The following GSAP variants were observed in gnomAD, a reference collection of about 807,000 sequenced individuals.
GSAP encodes gamma-secretase-activating protein.
Under a neutral mutation model 131.7 loss-of-function variants are expected in GSAP, and 118 were observed. The ratio of observed to expected loss-of-function variants is 0.90; its 90% CI spans 0.77 to 1.04. The LOEUF (loss-of-function observed/expected upper bound fraction) is 1.04. GSAP is among the 50% of genes least tolerant of loss of function. The probability of loss-of-function intolerance (pLI) is 0.00; values close to 1 mark genes in which losing one functional copy is unlikely to be tolerated. For missense variants in GSAP, 1,019 were observed against 1,013.2 expected, an observed-to-expected ratio of 1.01 and a Z score of -0.08; for synonymous variants, 381 against 363.4, an observed-to-expected ratio of 1.05 and a Z score of -0.55.
At chr7:77,414,669 C>T (rs1421240812) in intron 1 of GSAP, among the ~76,000 whole-genome samples, 1 of 152,106 alleles carries the variant, frequency 6.6e-6, no homozygotes, top group Non-Finnish European at 1.5e-5. Context: ...ACACACATTA[C>T]GGAAACATAA....
chr7:77,375,362 G>C (rs1796691228), intron 10 of GSAP, among the ~76,000 whole-genome samples: 1 of 152,110 alleles, frequency 6.6e-6, no homozygotes, highest in Non-Finnish European at 1.5e-5. Flanking sequence ...CTTTGTCTTA[G>C]ATTTGAATAT....
At chr7:77,381,257 T>C in intron 8 of GSAP, 48 bp downstream of exon 8, 1 of 1,015,298 alleles carries the variant, frequency 9.8e-7, no homozygotes, top group South Asian at 1.5e-5. Context: ...TGTACTTCTT[T>C]GTGGGGAAAA....
rs1052559469 is a variant in GSAP at position 77,381,368 on chromosome 7, A to G, written c.527-14T>C. 8.5e-7 allele frequency: 1 copy of G among 1,172,550 alleles called. No homozygotes were observed. The highest frequency in any genetic ancestry group is 6.9e-5 in the East Asian group (1 of 14,466). 72.6% of individuals were successfully genotyped at this position (1,172,550 alleles called of 1,614,324 possible). ...ATTGTTCAATATCTTTAAAAGAAAA[A>G]CAAAGAAAGATAATTTAACCTTAAG... On this transcript the variant is annotated splice_polypyrimidine_tract_variant and intron_variant, in intron 7 of 30. Transcript: ENST00000257626.
intron 12 of GSAP, among the ~76,000 whole-genome samples, chr7:77,366,256 A>G (rs1373399311): frequency 6.6e-6 from 1 of 151,762 alleles, no homozygotes; most frequent in African/African-American, 2.4e-5. Flanking sequence ...CCATTTGTCA[A>G]TTTTTGCTTC....
intron 3 of GSAP, among the ~76,000 whole-genome samples, chr7:77,402,402 GA>G (rs56837016): frequency 6.2e-4 from 75 of 121,370 alleles, no homozygotes; most frequent in African/African-American, 1.5e-3. Context: ...AAAGAAAAAA[GA>G]AAAAAAAAAT....
chr7:77,324,528 A>C (rs1329636836), intron 23 of GSAP, among the ~76,000 whole-genome samples: 7 of 152,220 alleles, frequency 4.6e-5, no homozygotes, highest in Admixed American at 4.6e-4. Context: ...CTATTTTAGC[A>C]GGTTCACATT....
At chr7:77,320,899 G>A in intron 25 of GSAP, 80 bp from the exon 26 acceptor site, 1 of 841,528 alleles carries the variant, frequency 1.2e-6, no homozygotes, top group South Asian at 1.4e-5. Flanking sequence ...GTGGCTTTGA[G>A]TACTACACAA....
chr7:77,396,556 A>G (rs1194831436), intron 5 of GSAP, among the ~76,000 whole-genome samples: 1 of 152,162 alleles, frequency 6.6e-6, no homozygotes, highest in Non-Finnish European at 1.5e-5. Flanking sequence ...TAGCTACAAA[A>G]CTATAAAGTG....
chr7:77,414,926 C>T (rs1424467572), intron 1 of GSAP, among the ~76,000 whole-genome samples: 5 of 131,718 alleles, frequency 3.8e-5, no homozygotes, highest in Admixed American at 1.8e-4. Flanking sequence ...GGCGAGATCT[C>T]GGCTCACTGC....
intron 19 of GSAP, among the ~76,000 whole-genome samples, chr7:77,343,737 C>G (rs1042366177): frequency 2.0e-5 from 3 of 152,214 alleles, no homozygotes; most frequent in African/African-American, 7.2e-5. Context: ...CCACACAAGA[C>G]AAATGGTTCT....
intron 28 of GSAP, among the ~76,000 whole-genome samples, chr7:77,312,917 TCTCTGA>T (rs1399832449): frequency 2.0e-5 from 3 of 152,358 alleles, no homozygotes; most frequent in African/African-American, 2.4e-5. Context: ...TTTCATAGTA[TCTCTGA>T]CTCTAAGTGT....
At chr7:77,315,054 T>G (rs906651330) in intron 26 of GSAP, 1 of 152,716 alleles carries the variant, frequency 6.5e-6, no homozygotes, top group Non-Finnish European at 1.5e-5. Context: ...CAAGCCTGTC[T>G]CACGGGTAGA....
chr7:77,374,486 G>A (rs977285485), intron 11 of GSAP, among the ~76,000 whole-genome samples: 2 of 151,884 alleles, frequency 1.3e-5, no homozygotes, highest in Non-Finnish European at 2.9e-5. Context: ...AATACTTAAC[G>A]GTTCAGGATT....
chr7:77,346,012 T>C (rs1791754657), intron 19 of GSAP, among the ~76,000 whole-genome samples: 1 of 152,002 alleles, frequency 6.6e-6, no homozygotes, highest in Non-Finnish European at 1.5e-5. Flanking sequence ...ACTGTATGTA[T>C]AAAAATGTTC....
chr7:77,323,786 C>G (rs759910560), intron 23 of GSAP, 44 bp from the exon 24 acceptor site: 25 of 842,852 alleles, frequency 3.0e-5, no homozygotes, highest in Non-Finnish European at 4.5e-5. Flanking sequence ...CCTACCCACT[C>G]ATACCTGCAA....
At chr7:77,371,156 C>T (rs1439570190) in intron 12 of GSAP, among the ~76,000 whole-genome samples, 1 of 152,144 alleles carries the variant, frequency 6.6e-6, no homozygotes. Context: ...TAAAACAAAA[C>T]TCACAATCTT....
At chr7:77,315,648 G>A (rs1794889461) in intron 26 of GSAP, 2 of 152,188 alleles carry the variant, frequency 1.3e-5, no homozygotes, top group African/African-American at 4.8e-5. Flanking sequence ...TGATTGTAGG[G>A]TAGGCTTTCA....
chr7:77,344,535 G>C (rs1214294627), intron 19 of GSAP, among the ~76,000 whole-genome samples: 1 of 152,060 alleles, frequency 6.6e-6, no homozygotes, highest in Non-Finnish European at 1.5e-5. Flanking sequence ...ACTATCTTCT[G>C]TCTAGTCATA....
At chr7:77,394,862 C>T (rs1257249216) in intron 5 of GSAP, among the ~76,000 whole-genome samples, 1 of 152,188 alleles carries the variant, frequency 6.6e-6, no homozygotes, top group Non-Finnish European at 1.5e-5. Context: ...TGGCAGAAAG[C>T]AAGACACAGG....
Sources: allele counts gnomAD v4.1 joint callset (sites outside exome capture counted in the v4.1 genomes callset), GRCh38; gene constraint gnomAD v4.1.1; transcripts MANE v1.5; gene names NCBI Gene and HGNC (gene_info 2026-07-23, HGNC 2026-07-21).